PCBP3: variants seen among roughly 807,000 people sequenced by gnomAD.
PCBP3 encodes the protein poly(rC)-binding protein 3.
A neutral mutation model predicts 52.7 loss-of-function variants in PCBP3; 25 were observed. The ratio of observed to expected loss-of-function variants is 0.47; its 90% CI spans 0.35 to 0.66. The LOEUF is 0.66. Ranked by LOEUF, PCBP3 falls within the 30% of genes least tolerant of loss-of-function variation. PCBP3 has a pLI of 0.01. For missense variants in PCBP3, 391 were observed against 490.3 expected, an observed-to-expected ratio of 0.80 and a Z score of 1.91; for synonymous variants, 162 against 183.0, an observed-to-expected ratio of 0.89 and a Z score of 0.93.
intron 4 of PCBP3, among the ~76,000 whole-genome samples, chr21:45,757,736 C>A (rs531760919): frequency 6.6e-6 from 1 of 152,220 alleles, no homozygotes; most frequent in African/African-American, 2.4e-5. Flanking sequence ...CATTCTTTTG[C>A]ATGGGGATAT....
chr21:45,809,618 C>A (rs2092620105), intron 4 of PCBP3, among the ~76,000 whole-genome samples: 1 of 152,220 alleles, frequency 6.6e-6, no homozygotes, highest in African/African-American at 2.4e-5. Flanking sequence ...CTAAAAGGAG[C>A]TGCCCCGCTT....
intron 13 of PCBP3, among the ~76,000 whole-genome samples, chr21:45,919,639 C>A (rs919089230): frequency 1.3e-5 from 2 of 152,212 alleles, no homozygotes; most frequent in Non-Finnish European, 2.9e-5. Context: ...TGGTTCCTGG[C>A]GTCAGACCTT....
chr21:45,814,791 A>C (rs1175438398), intron 4 of PCBP3, among the ~76,000 whole-genome samples: 1 of 32,650 alleles, frequency 3.1e-5, no homozygotes, highest in Non-Finnish European at 5.8e-5. Context: ...ATGAGTGGTG[A>C]GTGAGTGGTG....
intron 4 of PCBP3, among the ~76,000 whole-genome samples, chr21:45,849,005 T>C (rs186507478): frequency 1.3e-5 from 2 of 152,320 alleles, no homozygotes; most frequent in Admixed American, 1.3e-4. Context: ...CCAGGTTTCT[T>C]TGTCCAATAG....
At chr21:45,716,728 A>G (rs1906922659) in intron 2 of PCBP3, among the ~76,000 whole-genome samples, 1 of 152,184 alleles carries the variant, frequency 6.6e-6, no homozygotes, top group Admixed American at 6.5e-5. Context: ...AGTTCAGTCC[A>G]GAACATGCCC....
chr21:45,696,890 A>G (rs2082813578), intron 2 of PCBP3, among the ~76,000 whole-genome samples: 1 of 152,204 alleles, frequency 6.6e-6, no homozygotes, highest in Non-Finnish European at 1.5e-5. Flanking sequence ...ATAAAGAAGT[A>G]CTCAGTGCTG....
chr21:45,939,728 C>A (rs1033582677), intron 16 of PCBP3, among the ~76,000 whole-genome samples: 2 of 152,206 alleles, frequency 1.3e-5, no homozygotes, highest in African/African-American at 4.8e-5. Flanking sequence ...TGTGGAGCAC[C>A]CAGGCCGAGT....
intron 3 of PCBP3, among the ~76,000 whole-genome samples, chr21:45,753,995 A>AAAT (rs2087791946): frequency 6.6e-6 from 1 of 152,200 alleles, no homozygotes; most frequent in Non-Finnish European, 1.5e-5. Flanking sequence ...CATCGTGGTG[A>AAAT]GAATGTGGGT....
intron 2 of PCBP3, among the ~76,000 whole-genome samples, chr21:45,705,074 C>T (rs561425928): frequency 2.6e-5 from 4 of 152,150 alleles, no homozygotes; most frequent in Non-Finnish European, 5.9e-5. Context: ...TGGGCCCAGC[C>T]GGAAGGCCCT....
At chr21:45,786,104 GCGAGAAACACCC>G (rs2091132790) in intron 4 of PCBP3, among the ~76,000 whole-genome samples, 1 of 144,828 alleles carries the variant, frequency 6.9e-6, no homozygotes, top group Non-Finnish European at 1.5e-5. Context: ...ATCCCCCTCT[GCGAGAAACACCC>G]AAGAATGATC....
At chr21:45,765,957 T>A (rs554406741) in intron 4 of PCBP3, among the ~76,000 whole-genome samples, 4 of 152,314 alleles carry the variant, frequency 2.6e-5, no homozygotes, top group African/African-American at 9.6e-5. Flanking sequence ...CCTGGAAGGA[T>A]GAGTGCAGTA....
chr21:45,930,942 C>T (rs2076098877), intron 15 of PCBP3, 97 bp downstream of exon 15: 2 of 1,546,468 alleles, frequency 1.3e-6, no homozygotes. Flanking sequence ...CAGCAGTTTC[C>T]AGCTTCCATG....
intron 4 of PCBP3, among the ~76,000 whole-genome samples, chr21:45,845,739 G>C (rs2093797038): frequency 6.6e-6 from 1 of 152,278 alleles, no homozygotes; most frequent in Admixed American, 6.5e-5. Flanking sequence ...TTTGCCATGT[G>C]TATGCATGTG....
At chr21:45,696,139 G>T (rs1003948849) in intron 2 of PCBP3, among the ~76,000 whole-genome samples, 7 of 148,118 alleles carry the variant, frequency 4.7e-5, no homozygotes, top group Non-Finnish European at 7.4e-5. Flanking sequence ...AGAGTAACTG[G>T]ACATACATAC....
rs141110321 is a variant in PCBP3 at position 45,839,755 on chromosome 21, C to T, written c.-125-10206C>T. 2.5e-3 allele frequency among the ~76,000 whole-genome samples: 381 copies of T among 152,232 alleles called. 1 individual carries two copies. Among genetic ancestry groups the T allele is most frequent in the African/African-American group, 8.6e-3 (357 of 41,538 alleles). The stretch of plus-strand genomic sequence containing the variant: ...AGGCTGGAGGGCAGTGGTACGAACT[C>T]GGCTCACTGCAGCCTCCGCTTCCCA... On this transcript the variant is annotated intron_variant, in intron 4 of 17. Coordinates refer to ENST00000681687, the MANE Select transcript of PCBP3 (RefSeq NM_001384156.1).
At chr21:45,727,530 T>C (rs1652413094) in intron 2 of PCBP3, among the ~76,000 whole-genome samples, 1 of 152,026 alleles carries the variant, frequency 6.6e-6, no homozygotes, top group South Asian at 2.1e-4. Flanking sequence ...AAGGGGACAA[T>C]GTGGGCAGGG....
Position 45,704,655 on chromosome 21 carries a change from A to T in PCBP3, c.-199-30737A>T, listed in dbSNP as rs1300472819. 6.6e-6 allele frequency among the ~76,000 whole-genome samples: 1 copy of T among 152,236 alleles called. No individual in the cohort carries two copies. Among genetic ancestry groups the T allele is most frequent in the African/African-American group, 2.4e-5 (1 of 41,454 alleles). On this transcript the variant is annotated intron_variant, in intron 2 of 17. Transcript: ENST00000681687. The surrounding 1 kb of genome is among the most constrained non-coding windows in gnomAD (Gnocchi z 4.1). The stretch of plus-strand genomic sequence containing the variant: ...TAATTTGAAGATTGACAGGAAATTC[A>T]TAAAGGGAATATGGAGTTCCGTTTA...
chr21:45,696,945 CA>C (rs1324328718), intron 2 of PCBP3, among the ~76,000 whole-genome samples: 2 of 152,172 alleles, frequency 1.3e-5, no homozygotes, highest in East Asian at 3.9e-4. Context: ...TGAGGTACCA[CA>C]ATAGCCTTTA....
At chr21:45,683,507 A>G (rs1012613377) in intron 2 of PCBP3, among the ~76,000 whole-genome samples, 71 of 152,346 alleles carry the variant, frequency 4.7e-4, no homozygotes, top group African/African-American at 1.6e-3. Flanking sequence ...ATTGGATTGT[A>G]ACAGGAGATC....
Sources: gnomAD v4.1 joint callset for allele counts (sites outside exome capture counted in the v4.1 genomes callset) on GRCh38, gnomAD v4.1.1 for gene constraint, Gnocchi (gnomAD v3.1) non-coding constraint, MANE v1.5 for transcripts, NCBI Gene and HGNC (gene_info 2026-07-23, HGNC 2026-07-21) for gene names.